The following INPP4B variants were observed in gnomAD, a reference collection of about 807,000 sequenced individuals.
INPP4B encodes the protein inositol polyphosphate 4-phosphatase type II.
In INPP4B, 55 loss-of-function variants were observed where a neutral mutation model predicts 122.5. The observed-to-expected ratio is 0.45, with a 90% CI of 0.36 to 0.56. The LOEUF (loss-of-function observed/expected upper bound fraction) is 0.56, where lower values mean the gene tolerates loss of function less well. INPP4B is among the 20% of genes least tolerant of loss of function. INPP4B has a pLI of 0.00. For synonymous variants in INPP4B, 403 were observed against 388.7 expected (o/e 1.04, Z -0.43); for missense variants, 1,000 against 1,097.7 (o/e 0.91, Z 1.26).
At chr4:142,170,503 A>T (rs1173026025) in intron 16 of INPP4B, among the ~76,000 whole-genome samples, 4 of 151,722 alleles carry the variant, frequency 2.6e-5, no homozygotes, top group African/African-American at 4.8e-5. Context: ...GGAGCCAAAA[A>T]CACAACGTGT....
Position 142,024,761 on chromosome 4 carries a change from C to G in INPP4B, c.*4021G>C, listed in dbSNP as rs1340796504. ...TAGCAAATGCCAAAATTATAAACTC[C>G]AAAATAGATGGTGAAGTACATTTTT... is the stretch of plus-strand genomic sequence containing the variant. On this transcript the variant is annotated 3_prime_UTR_variant, in exon 26 of 26. Transcript: ENST00000262992. 3 of 152,026 alleles carry G rather than the reference C, an allele frequency of 2.0e-5. No individual in the cohort carries two copies. The highest frequency in any genetic ancestry group is 4.4e-5 in the Non-Finnish European group (3 of 67,992). 9.4% of individuals were successfully genotyped at this position (152,026 alleles called of 1,614,324 possible).
intron 1 of INPP4B, among the ~76,000 whole-genome samples, chr4:142,833,731 T>C (rs1320592345): frequency 6.6e-6 from 1 of 152,096 alleles, no homozygotes; most frequent in Non-Finnish European, 1.5e-5. Flanking sequence ...CCAGGTCTTT[T>C]TAATAAATGC....
At chr4:142,602,184 A>G (rs1177194836) in intron 2 of INPP4B, among the ~76,000 whole-genome samples, 1 of 152,016 alleles carries the variant, frequency 6.6e-6, no homozygotes, top group Non-Finnish European at 1.5e-5. Flanking sequence ...CTATACATCA[A>G]TAACAGGCAA....
At chr4:142,809,369 A>G (rs1296192055) in intron 1 of INPP4B, among the ~76,000 whole-genome samples, 1 of 152,212 alleles carries the variant, frequency 6.6e-6, no homozygotes, top group Non-Finnish European at 1.5e-5. Flanking sequence ...CTTAAGACCT[A>G]GTAATTAATT....
At chr4:142,471,868 T>C (rs995063648) in intron 2 of INPP4B, among the ~76,000 whole-genome samples, 2 of 149,622 alleles carry the variant, frequency 1.3e-5, no homozygotes, top group African/African-American at 5.0e-5. Flanking sequence ...TCCTCCATAG[T>C]ATACACACAC....
intron 21 of INPP4B, among the ~76,000 whole-genome samples, chr4:142,114,988 C>A (rs766333182): frequency 2.6e-5 from 4 of 151,950 alleles, no homozygotes; most frequent in Non-Finnish European, 5.9e-5. Context: ...AGCTGAAAAC[C>A]ACGGCACAAG....
chr4:142,188,814 T>C lies in INPP4B; in HGVS notation c.1181+4273A>G, dbSNP rs573458261. 4.6e-5 allele frequency among the ~76,000 whole-genome samples: 7 copies of C among 152,264 alleles called. No homozygotes were observed. In the South Asian group the frequency reaches 1.5e-3, roughly 32 times the overall value. On this transcript the variant is annotated intron_variant, in intron 15 of 25. Transcript: ENST00000262992. ...AGTGAAGGTGATTAAAACAAATATT[T>C]TTGTAACTAGTGATTAGTCTGCTCA...
intron 10 of INPP4B, among the ~76,000 whole-genome samples, chr4:142,266,412 C>G (rs1387943048): frequency 6.6e-6 from 1 of 151,592 alleles, no homozygotes; most frequent in South Asian, 2.1e-4. Context: ...TTTAGGGTAG[C>G]AGAGAAGACC....
chr4:142,167,276 G>T (rs1309415644), intron 16 of INPP4B, among the ~76,000 whole-genome samples: 3 of 151,776 alleles, frequency 2.0e-5, no homozygotes, highest in African/African-American at 7.3e-5. Context: ...ATTATCCTCA[G>T]CAAACACACA....
At chr4:142,381,198 A>C (rs1793969688) in intron 7 of INPP4B, among the ~76,000 whole-genome samples, 1 of 152,124 alleles carries the variant, frequency 6.6e-6, no homozygotes, top group African/African-American at 2.4e-5. Context: ...AAGGATGCAA[A>C]AATTTACATT....
At chr4:142,111,377 G>T (rs1488088174) in intron 22 of INPP4B, among the ~76,000 whole-genome samples, 1 of 151,868 alleles carries the variant, frequency 6.6e-6, no homozygotes, top group Non-Finnish European at 1.5e-5. Flanking sequence ...ACGGAGTTTT[G>T]CTCGTATCAC....
chr4:142,761,847 A>C (rs555081856), intron 1 of INPP4B, among the ~76,000 whole-genome samples: 1 of 152,278 alleles, frequency 6.6e-6, no homozygotes, highest in South Asian at 2.1e-4. Context: ...AGATAACATA[A>C]TTCTAGCCAA....
intron 23 of INPP4B, among the ~76,000 whole-genome samples, chr4:142,102,808 T>A (rs1186695259): frequency 6.6e-6 from 1 of 152,024 alleles, no homozygotes; most frequent in East Asian, 1.9e-4. Context: ...CATTGTTACC[T>A]CCCTAGAACC....
chr4:142,625,291 A>T (rs1469058965), intron 2 of INPP4B, among the ~76,000 whole-genome samples: 1 of 152,088 alleles, frequency 6.6e-6, no homozygotes, highest in Non-Finnish European at 1.5e-5. Context: ...AAGTCTCAGG[A>T]TAAAAAATCA....
At chr4:142,515,801 G>C (rs1480718712) in intron 2 of INPP4B, among the ~76,000 whole-genome samples, 1 of 152,128 alleles carries the variant, frequency 6.6e-6, no homozygotes, top group Non-Finnish European at 1.5e-5. Context: ...CTAAACTATA[G>C]TGTGATTTTC....
chr4:142,731,549 C>A (rs1386963564), intron 1 of INPP4B, among the ~76,000 whole-genome samples: 1 of 152,106 alleles, frequency 6.6e-6, no homozygotes, highest in South Asian at 2.1e-4. Flanking sequence ...AGATCAAGGA[C>A]TTTTGCCATG....
intron 15 of INPP4B, among the ~76,000 whole-genome samples, chr4:142,177,514 T>G (rs1248250974): frequency 2.0e-5 from 3 of 152,086 alleles, no homozygotes; most frequent in Non-Finnish European, 2.9e-5. Context: ...AAAGGCAAAA[T>G]ATTTACTTGG....
intron 2 of INPP4B, among the ~76,000 whole-genome samples, chr4:142,524,107 G>A (rs988657497): frequency 3.8e-4 from 57 of 151,528 alleles, no homozygotes; most frequent in East Asian, 9.7e-4. Flanking sequence ...GAATAGTGCC[G>A]CAATAAACAT....
At chr4:142,195,648 C>T (rs78076453) in intron 14 of INPP4B, among the ~76,000 whole-genome samples, 4,400 of 152,172 alleles carry the variant, frequency 0.029, 198 homozygotes, top group African/African-American at 0.1. Flanking sequence ...TCCACTAAGC[C>T]TAAACTAAAT....
Sources: allele counts gnomAD v4.1 joint callset (sites outside exome capture counted in the v4.1 genomes callset), GRCh38; gene constraint gnomAD v4.1.1; transcripts MANE v1.5; gene names NCBI Gene and HGNC (gene_info 2026-07-23, HGNC 2026-07-21).